CTSO: variants seen among roughly 807,000 people sequenced by gnomAD.
CTSO encodes the protein cathepsin O.
In CTSO, 40 loss-of-function variants were observed where a neutral mutation model predicts 42.4. That is an observed-to-expected ratio of 0.94 (90% CI 0.73 to 1.23). The LOEUF is 1.23. Among genes scored for constraint, CTSO ranks in the 50% most tolerant of loss-of-function variants. CTSO has a pLI of 0.00. For missense variants in CTSO, 441 were observed against 396.0 expected (o/e 1.11, Z -0.96); for synonymous variants, 156 against 146.2 (o/e 1.07, Z -0.48).
intron 5 of CTSO, among the ~76,000 whole-genome samples, chr4:155,932,011 T>C (rs960348502): frequency 2.0e-5 from 3 of 152,192 alleles, no homozygotes; most frequent in Admixed American, 6.5e-5. Context: ...TGTTATACTG[T>C]GTCTGAATTT....
chr4:155,946,180 C>G (rs1743543350), intron 1 of CTSO, among the ~76,000 whole-genome samples: 1 of 152,124 alleles, frequency 6.6e-6, no homozygotes, highest in Admixed American at 6.6e-5. Flanking sequence ...TTTGTGACAT[C>G]TACGAGAGAA....
At chr4:155,927,270 T>A (rs947942420) in intron 7 of CTSO, among the ~76,000 whole-genome samples, 2 of 152,182 alleles carry the variant, frequency 1.3e-5, no homozygotes, top group African/African-American at 4.8e-5. Flanking sequence ...ATTCTGCATT[T>A]AAAAAAATTG....
In CTSO at chr4:155,924,255, T is replaced by A. The variant is rs559011189; in HGVS notation, c.*1781A>T. Reference sequence around the variant, plus strand: ...AAAAAGAGTATTACAAATGCATCTATATCACATAGAAAGTCAGCGAATACA... The same window carrying A: ...AAAAAGAGTATTACAAATGCATCTAAATCACATAGAAAGTCAGCGAATACA... On this transcript the variant is annotated 3_prime_UTR_variant, in exon 8 of 8. Coordinates refer to ENST00000433477, the MANE Select transcript of CTSO (RefSeq NM_001334.3). 6.6e-6 allele frequency: 1 copy of A among 151,736 alleles called. No individual in the cohort carries two copies. Among genetic ancestry groups the A allele is most frequent in the South Asian group, 2.1e-4 (1 of 4,818 alleles). The allele number at this position is 151,736 out of a possible 1,614,324, so 9.4% of individuals were successfully genotyped here.
chr4:155,950,353 C>T (rs1331558120), intron 1 of CTSO, among the ~76,000 whole-genome samples: 1 of 152,094 alleles, frequency 6.6e-6, no homozygotes, highest in Non-Finnish European at 1.5e-5. Flanking sequence ...TCCACTGTAT[C>T]CCTCAGAAAA....
chr4:155,946,904 C>T (rs1743557548), intron 1 of CTSO, among the ~76,000 whole-genome samples: 2 of 152,150 alleles, frequency 1.3e-5, no homozygotes, highest in Admixed American at 6.5e-5. Flanking sequence ...GTCGCCCAGG[C>T]GAGTGCAGTG....
intron 7 of CTSO, among the ~76,000 whole-genome samples, chr4:155,927,581 AAC>A (rs1037837641): frequency 2.0e-4 from 31 of 152,168 alleles, no homozygotes; most frequent in African/African-American, 6.8e-4. Context: ...CATCCTGGCT[AAC>A]ACGGTGAAAC....
In CTSO at chr4:155,925,812, G is replaced by A. The variant is rs1428594850; in HGVS notation, c.*224C>T. 2.0e-6 allele frequency: 1 copy of A among 497,482 alleles called. No individual in the cohort carries two copies. The allele number at this position is 497,482 out of a possible 1,614,324, so 30.8% of individuals were successfully genotyped here. ...CTCAGGACAGGAAACTATTCCATAGGCTTCCTCGCAGGCTTCTGTGCTGGA... is the reference window on the plus strand; with the variant it reads ...CTCAGGACAGGAAACTATTCCATAGACTTCCTCGCAGGCTTCTGTGCTGGA... On this transcript the variant is annotated 3_prime_UTR_variant, in exon 8 of 8. Coordinates refer to ENST00000433477, the MANE Select transcript of CTSO (RefSeq NM_001334.3).
Position 155,929,550 on chromosome 4 carries a change from T to C in CTSO, c.830A>G (p.Asp277Gly), listed in dbSNP as rs1484606715. ...GTCTTATCAGCACTTACCTGTTTTA[T>C]CAAACCCAGTTATGAGAACTGCATG... ...ANHAVLITGF[D>G]KTGSTPYWIV... The change falls in exon 6 of 8, where the codon GAT becomes GGT. Residue 277 changes from aspartate (D) to glycine (G), a missense_variant. Asp to Gly is a moderately conservative substitution (Grantham distance 94). Transcript: ENST00000433477. 6.2e-7 allele frequency: 1 copy of C among 1,612,312 alleles called. No homozygotes were observed. Among genetic ancestry groups the C allele is most frequent in the Non-Finnish European group, 8.5e-7 (1 of 1,179,396 alleles).
chr4:155,952,961 C>T (rs902631862), intron 1 of CTSO, among the ~76,000 whole-genome samples: 2 of 152,072 alleles, frequency 1.3e-5, no homozygotes, highest in Admixed American at 1.3e-4. Flanking sequence ...ATCGGCATCC[C>T]TTGCAGTTTC....
chr4:155,927,814 G>C (rs1014929979), intron 7 of CTSO, among the ~76,000 whole-genome samples: 1 of 151,966 alleles, frequency 6.6e-6, no homozygotes, highest in South Asian at 2.1e-4. Context: ...AAGCATGTTT[G>C]GTATTTGCCT....
intron 4 of CTSO, among the ~76,000 whole-genome samples, chr4:155,937,900 G>C (rs941471023): frequency 1.3e-5 from 2 of 152,154 alleles, no homozygotes; most frequent in African/African-American, 4.8e-5. Flanking sequence ...ACAGGTGTGA[G>C]GCATTGTGCC....
At position 155,926,010 on chromosome 4, in the gene CTSO, A is replaced by G. The variant is rs748465347; in HGVS notation, c.*26T>C. On this transcript the variant is annotated 3_prime_UTR_variant, in exon 8 of 8. Transcript: ENST00000433477. Reference sequence around the variant, plus strand: ...GCATTATGAAAACCTTCATTTTTGTAGCTGTCTCTTGATCTGCCCAACATG... The same window carrying G: ...GCATTATGAAAACCTTCATTTTTGTGGCTGTCTCTTGATCTGCCCAACATG... 16 of 1,595,130 alleles carry G rather than the reference A, an allele frequency of 1.0e-5. No homozygotes were observed. In the Admixed American group the frequency reaches 2.8e-4, roughly 28 times the overall value.
intron 1 of CTSO, among the ~76,000 whole-genome samples, chr4:155,943,775 A>G (rs1251519731): frequency 6.6e-6 from 1 of 152,216 alleles, no homozygotes; most frequent in Non-Finnish European, 1.5e-5. Flanking sequence ...AGATATCTCT[A>G]TCTCATGTAG....
At chr4:155,940,925 C>CT (rs1371109029) in intron 3 of CTSO, among the ~76,000 whole-genome samples, 1 of 99,078 alleles carries the variant, frequency 1.0e-5, no homozygotes, top group Non-Finnish European at 2.4e-5. Context: ...GCAGTTCCTG[C>CT]TTAAAAAAAA....
chr4:155,930,394 G>T (rs1043065735), intron 5 of CTSO, among the ~76,000 whole-genome samples: 1 of 152,168 alleles, frequency 6.6e-6, no homozygotes, highest in Non-Finnish European at 1.5e-5. Context: ...ATGTTAGGAT[G>T]CCCGGAGAAC....
chr4:155,937,128 T>A (rs998823057), intron 5 of CTSO, among the ~76,000 whole-genome samples: 1 of 152,048 alleles, frequency 6.6e-6, no homozygotes, highest in African/African-American at 2.4e-5. Context: ...AATTGTACCT[T>A]ACACAGAATT....
intron 5 of CTSO, 123 bp from the exon 6 acceptor site, chr4:155,929,828 G>T: frequency 2.4e-6 from 2 of 836,212 alleles, no homozygotes; most frequent in South Asian, 2.0e-5. Context: ...CCTAAACAAT[G>T]GAAGCTAAGT....
Position 155,941,917 on chromosome 4 carries a change from T to C in CTSO, c.384+400A>G, listed in dbSNP as rs145459581. Among the ~76,000 whole-genome samples, 1,088 of 152,330 alleles carry C rather than the reference T, an allele frequency of 7.1e-3. 29 individuals are homozygous for C. The highest frequency in any genetic ancestry group is 0.051 in the Admixed American group (776 of 15,304). ...CATTTTCATTTTACTTTTTCACTTTTTTTTTCTTGAACCATTTAAGCCTTT... is the reference window on the plus strand; with the variant it reads ...CATTTTCATTTTACTTTTTCACTTTCTTTTTCTTGAACCATTTAAGCCTTT... On this transcript the variant is annotated intron_variant, in intron 3 of 7. Coordinates refer to ENST00000433477, the MANE Select transcript of CTSO (RefSeq NM_001334.3).
Position 155,928,383 on chromosome 4 carries a change from C to G in CTSO, c.884G>C (p.Trp295Ser). 3.1e-6 allele frequency: 5 copies of G among 1,613,434 alleles called. No individual in the cohort carries two copies. Among genetic ancestry groups the G allele is most frequent in the Non-Finnish European group, 4.2e-6 (5 of 1,179,642 alleles). Residue 295 changes from tryptophan to serine, a missense_variant, in exon 7 of 8, where the codon TGG becomes TCG. Physicochemically the swap from Trp to Ser is radical, Grantham distance 177 (BLOSUM62 -3). Coordinates refer to ENST00000433477, the MANE Select transcript of CTSO (RefSeq NM_001334.3). ...GACATGGGCATAACCATCTACTCCC[C>G]AAGAACTTCCCCAGGAATTCCGCAC... ...WIVRNSWGSSWGVDGYAHVKM... is the reference protein window; with the variant it reads ...WIVRNSWGSSSGVDGYAHVKM...
Sources: allele counts gnomAD v4.1 joint callset (sites outside exome capture counted in the v4.1 genomes callset), GRCh38; gene constraint gnomAD v4.1.1; transcripts MANE v1.5; gene names NCBI Gene and HGNC (gene_info 2026-07-23, HGNC 2026-07-21).